NT5DC3: variants seen among roughly 807,000 people sequenced by gnomAD.
The protein encoded by NT5DC3 is 5'-nucleotidase domain-containing protein 3.
NT5DC3 carries 42 observed loss-of-function variants against 67.8 expected under a neutral mutation model. The ratio of observed to expected loss-of-function variants is 0.62; its 90% CI spans 0.48 to 0.80. NT5DC3 has a LOEUF of 0.80. NT5DC3 is among the 30% of genes least tolerant of loss of function. The pLI is 0.00. For synonymous variants in NT5DC3, 237 were observed against 255.6 expected (o/e 0.93, Z 0.69); for missense variants, 570 against 696.4 (o/e 0.82, Z 2.04).
chr12:103,830,935 A>G (rs1887899168), intron 1 of NT5DC3, among the ~76,000 whole-genome samples: 2 of 152,114 alleles, frequency 1.3e-5, no homozygotes. Context: ...GTGTATTTTT[A>G]AATTTTGGAT....
chr12:103,749,395 A>G, the NT5DC3 span, among the ~76,000 whole-genome samples: 5,200 of 152,290 alleles, frequency 0.034, 236 homozygotes, highest in African/African-American at 0.098. Flanking sequence ...ACAGTAATGT[A>G]CCAACATTAA....
intron 6 of NT5DC3, among the ~76,000 whole-genome samples, chr12:103,795,660 A>T (rs1039547072): frequency 6.6e-6 from 1 of 152,004 alleles, no homozygotes; most frequent in African/African-American, 2.4e-5. Flanking sequence ...ATGTATCTTT[A>T]AAAAATATAT....
At position 103,785,792 on chromosome 12, in the gene NT5DC3, G is replaced by C. The variant is rs1176507913; in HGVS notation, c.1189-317C>G. ...AAAAAAAAAAAAAATGAGGTCAGGG[G>C]CAGAAAGGGGCTTGACCTAAATGCT... On this transcript the variant is annotated intron_variant, in intron 11 of 13. Transcript: ENST00000392876. 7 of 483,134 alleles carry C rather than the reference G, an allele frequency of 1.4e-5. 1 individual carries two copies. The highest frequency in any genetic ancestry group is 2.7e-5 in the Non-Finnish European group (7 of 256,676). 29.9% of individuals were successfully genotyped at this position (483,134 alleles called of 1,614,324 possible). A position where few individuals can be genotyped will look rare whatever the true frequency, so the allele number is the denominator to read the frequency against.
At chr12:103,765,003 G>C in the NT5DC3 span, among the ~76,000 whole-genome samples, 1 of 144,550 alleles carries the variant, frequency 6.9e-6, no homozygotes, top group Non-Finnish European at 1.5e-5. Flanking sequence ...CAACAGAATC[G>C]CTTGAACTGG....
chr12:103,807,815 A>T (rs1406623195), intron 2 of NT5DC3, among the ~76,000 whole-genome samples: 1 of 152,146 alleles, frequency 6.6e-6, no homozygotes, highest in Non-Finnish European at 1.5e-5. Context: ...TGATGGTTTT[A>T]TATTCACTTG....
chr12:103,750,910 G>A, the NT5DC3 span, among the ~76,000 whole-genome samples: 5 of 152,222 alleles, frequency 3.3e-5, no homozygotes, highest in East Asian at 9.6e-4. Flanking sequence ...GGCCAACATG[G>A]CAAAACCCCA....
intron 12 of NT5DC3, among the ~76,000 whole-genome samples, chr12:103,781,845 G>A (rs888124901): frequency 6.6e-6 from 1 of 152,128 alleles, no homozygotes; most frequent in Non-Finnish European, 1.5e-5. Flanking sequence ...GATCCTACAG[G>A]CACTTCAGCC....
chr12:103,785,809 C>A, intron 11 of NT5DC3: 1 of 464,924 alleles, frequency 2.2e-6, no homozygotes. Context: ...GGGGCTTGAC[C>A]TAAATGCTAC....
chr12:103,828,633 C>G (rs1245881873), intron 1 of NT5DC3, among the ~76,000 whole-genome samples: 1 of 152,152 alleles, frequency 6.6e-6, no homozygotes, highest in African/African-American at 2.4e-5. Flanking sequence ...GCAGGCTCCT[C>G]CTGCCTCTGA....
downstream of NT5DC3, chr12:103,766,236 G>GGACTCAACAC: frequency 6.2e-7 from 1 of 1,611,982 alleles, no homozygotes; most frequent in Non-Finnish European, 8.5e-7. Context: ...GATTCAACTA[G>GGACTCAACAC]GACTCAACAC....
chr12:103,814,874 A>AAG, intron 2 of NT5DC3, 63 bp downstream of exon 2: 1 of 1,235,594 alleles, frequency 8.1e-7, no homozygotes, highest in Non-Finnish European at 1.1e-6. Context: ...GGGTCATGTC[A>AAG]GCTCAAGGCT....
chr12:103,802,056 C>T (rs1312368761), intron 4 of NT5DC3: 5 of 152,294 alleles, frequency 3.3e-5, no homozygotes, highest in Non-Finnish European at 5.9e-5. Context: ...CGAGTCCACA[C>T]ACTCCCTCCA....
intron 2 of NT5DC3, among the ~76,000 whole-genome samples, chr12:103,812,528 C>T (rs915583363): frequency 6.6e-6 from 1 of 151,976 alleles, no homozygotes; most frequent in Non-Finnish European, 1.5e-5. Flanking sequence ...CTCTCTTCCC[C>T]TCAAATTTCA....
intron 2 of NT5DC3, among the ~76,000 whole-genome samples, chr12:103,809,138 A>G (rs1304514558): frequency 6.6e-6 from 1 of 152,270 alleles, no homozygotes; most frequent in East Asian, 1.9e-4. Context: ...GCCACTATAT[A>G]CTGGACACTC....
chr12:103,750,141 T>G, the NT5DC3 span, among the ~76,000 whole-genome samples: 1 of 152,214 alleles, frequency 6.6e-6, no homozygotes. Context: ...GTGCACCTAC[T>G]ATGTGCTCTT....
At chr12:103,767,785 T>C (rs1885047273), downstream of NT5DC3, among the ~76,000 whole-genome samples, 1 of 151,634 alleles carries the variant, frequency 6.6e-6, no homozygotes, top group Non-Finnish European at 1.5e-5. Flanking sequence ...TAGGCACAGT[T>C]AAAATTAACA....
intron 5 of NT5DC3, among the ~76,000 whole-genome samples, chr12:103,797,783 C>A (rs1011031061): frequency 1.3e-5 from 2 of 152,156 alleles, no homozygotes; most frequent in Non-Finnish European, 2.9e-5. Flanking sequence ...TGAATACTTG[C>A]GATTTACACT....
intron 1 of NT5DC3, among the ~76,000 whole-genome samples, chr12:103,820,233 G>A (rs555318280): frequency 2.0e-5 from 3 of 152,284 alleles, no homozygotes; most frequent in Non-Finnish European, 4.4e-5. Context: ...TCAAATCCTC[G>A]TTTCCAATCT....
At chr12:103,758,777 G>C in the NT5DC3 span, among the ~76,000 whole-genome samples, 8 of 152,232 alleles carry the variant, frequency 5.3e-5, no homozygotes, top group Admixed American at 1.3e-4. Flanking sequence ...ACGGCACACA[G>C]AGGATTGGCG....
Sources: gnomAD v4.1 joint callset for allele counts (sites outside exome capture counted in the v4.1 genomes callset) on GRCh38, gnomAD v4.1.1 for gene constraint, MANE v1.5 for transcripts, NCBI Gene and HGNC (gene_info 2026-07-23, HGNC 2026-07-21) for gene names.